CEACAM19: variants seen among roughly 807,000 people sequenced by gnomAD.
CEACAM19 encodes CEA cell adhesion molecule 19.
A neutral mutation model predicts 37.6 loss-of-function variants in CEACAM19; 37 were observed. The ratio of observed to expected loss-of-function variants is 0.98; its 90% CI spans 0.76 to 1.29. CEACAM19 has a LOEUF of 1.29. Ranked by LOEUF, CEACAM19 falls within the 50% of genes most tolerant of loss-of-function variation. The pLI is 0.00. For missense variants in CEACAM19, 340 were observed against 375.6 expected, an observed-to-expected ratio of 0.91 and a Z score of 0.78; for synonymous variants, 140 against 149.8, an observed-to-expected ratio of 0.93 and a Z score of 0.48.
upstream of CEACAM19, among the ~76,000 whole-genome samples, chr19:44,669,354 G>T (rs1973819817): frequency 6.6e-6 from 1 of 152,010 alleles, no homozygotes; most frequent in Admixed American, 6.6e-5. Context: ...CAATTCCTAG[G>T]CTCAAGCAAT....
chr19:44,681,800 C>T (rs952374813), intron 6 of CEACAM19, among the ~76,000 whole-genome samples: 1 of 151,794 alleles, frequency 6.6e-6, no homozygotes, highest in African/African-American at 2.4e-5. Context: ...TGTGATGGCA[C>T]ATGCCTGTAA....
chr19:44,670,740 A>G (rs1015343016), upstream of CEACAM19, among the ~76,000 whole-genome samples: 15 of 149,406 alleles, frequency 1.0e-4, no homozygotes, highest in African/African-American at 3.7e-4. Flanking sequence ...TAAGACAACC[A>G]ATGTTCATGA....
upstream of CEACAM19, among the ~76,000 whole-genome samples, chr19:44,670,783 A>AAG (rs1973841476): frequency 3.3e-5 from 3 of 91,386 alleles, no homozygotes; most frequent in Non-Finnish European, 5.4e-5. Flanking sequence ...TGTCTCAAGA[A>AAG]AAAAAAAAAA....
At chr19:44,667,842 AT>A (rs1973758116), upstream of CEACAM19, among the ~76,000 whole-genome samples, 1 of 69,368 alleles carries the variant, frequency 1.4e-5, no homozygotes, top group African/African-American at 6.8e-5. Context: ...TTTATATATA[AT>A]ATATACAATA....
chr19:44,682,572 G>C lies in CEACAM19; in HGVS notation c.798G>C (p.Leu266=). The C allele has an allele frequency of 3.1e-6, 5 of 1,601,952 alleles. No homozygotes were observed. The highest frequency in any genetic ancestry group is 4.3e-6 in the Non-Finnish European group (5 of 1,174,510). Residue 266 remains leucine, a synonymous_variant, in exon 7 of 8, where the codon CTG becomes CTC. Coordinates refer to ENST00000358777, the MANE Select transcript of CEACAM19 (RefSeq NM_001127893.3). ...CCCGTGTCCTTCCCTTGCAGCCCCT[G>C]CCCACACCCCCACACCTGCAGGCGG... ...DTRSINPARP[L]PTPPHLQAEP...
At chr19:44,677,028 C>T (rs368757174) in intron 3 of CEACAM19, among the ~76,000 whole-genome samples, 7 of 152,142 alleles carry the variant, frequency 4.6e-5, no homozygotes, top group African/African-American at 1.7e-4. Flanking sequence ...TATTTTTCTT[C>T]GGTGGCTTCA....
chr19:44,672,784 C>T lies in CEACAM19; in HGVS notation c.244C>T (p.Pro82Ser), dbSNP rs751047521. The change falls in exon 2 of 8, where the codon CCT becomes TCT. Residue 82 changes from proline (P) to serine (S), a missense_variant. Pro to Ser is a moderately conservative substitution (Grantham distance 74). Transcript: ENST00000358777. Reference sequence around the variant, plus strand: ...AGGCACGAGGCTATTTACCTACATCCCTGGGATACAACGGCCTCAGAGGGA... The same window carrying T: ...AGGCACGAGGCTATTTACCTACATCTCTGGGATACAACGGCCTCAGAGGGA... ...YGGTRLFTYI[P>S]GIQRPQRDGS... is the part of the protein sequence containing the mutation. The T allele has an allele frequency of 7.6e-6, 12 of 1,584,144 alleles. No individual in the cohort carries two copies. Among genetic ancestry groups the T allele is most frequent in the Admixed American group, 3.6e-5 (2 of 55,406 alleles).
upstream of CEACAM19, among the ~76,000 whole-genome samples, chr19:44,671,030 C>A (rs554610642): frequency 6.6e-6 from 1 of 151,594 alleles, no homozygotes; most frequent in Admixed American, 6.6e-5. Flanking sequence ...GCAGAGGTTG[C>A]GGTGAACTGA....
intron 3 of CEACAM19, among the ~76,000 whole-genome samples, chr19:44,677,192 A>G (rs1049368352): frequency 6.6e-6 from 1 of 152,146 alleles, no homozygotes; most frequent in Non-Finnish European, 1.5e-5. Context: ...CTTAACTCAG[A>G]TCACATGACT....
At chr19:44,671,122 G>C (rs1015187848), upstream of CEACAM19, among the ~76,000 whole-genome samples, 2 of 140,082 alleles carry the variant, frequency 1.4e-5, no homozygotes, top group Non-Finnish European at 3.0e-5. Context: ...ACGAGGCTAA[G>C]AGCTTTTTTT....
chr19:44,682,768 C>G (rs1974085781), intron 7 of CEACAM19, 148 bp downstream of exon 7: 1 of 683,424 alleles, frequency 1.5e-6, no homozygotes, highest in African/African-American at 1.9e-5. Context: ...CTCGAAGAAG[C>G]CCAAACCGCC....
chr19:44,672,010 G>C, intron 1 of CEACAM19, 24 bp downstream of exon 1: 1 of 1,586,036 alleles, frequency 6.3e-7, no homozygotes, highest in Non-Finnish European at 8.6e-7. Context: ...AGACCCTAAA[G>C]GCCAAGGGGA....
chr19:44,676,453 T>G (rs772740247), intron 3 of CEACAM19, 32 bp downstream of exon 3: 14 of 1,608,122 alleles, frequency 8.7e-6, no homozygotes, highest in Non-Finnish European at 1.2e-5. Flanking sequence ...CTCTCCTGTC[T>G]GCTCCCACTG....
chr19:44,673,252 C>A (rs1973889834), intron 2 of CEACAM19, among the ~76,000 whole-genome samples: 1 of 152,200 alleles, frequency 6.6e-6, no homozygotes, highest in Non-Finnish European at 1.5e-5. Context: ...CGAGCACTTA[C>A]TGTATGCCTG....
intron 5 of CEACAM19, 22 bp downstream of exon 5, chr19:44,680,356 T>C: frequency 6.2e-7 from 1 of 1,604,344 alleles, no homozygotes; most frequent in Non-Finnish European, 8.5e-7. Context: ...GCCCCAGATC[T>C]CACTACCTAG....
At chr19:44,677,947 A>AT (rs1459210455) in intron 3 of CEACAM19, 9 of 152,218 alleles carry the variant, frequency 5.9e-5, no homozygotes, top group African/African-American at 2.2e-4. Context: ...AAGTGCTGGA[A>AT]TTACAGGCAT....
At chr19:44,672,433 A>C in intron 1 of CEACAM19, 163 bp from the exon 2 acceptor site, 1 of 744,006 alleles carries the variant, frequency 1.3e-6, no homozygotes, top group Non-Finnish European at 2.0e-6. Flanking sequence ...CTGTGTTCCC[A>C]CTCCTGCACC....
chr19:44,676,361 T>G lies in CEACAM19; in HGVS notation c.515T>G (p.Leu172Arg), dbSNP rs1397070021. The G allele has an allele frequency of 6.2e-7, 1 of 1,614,102 alleles. No homozygotes were observed. The highest frequency in any genetic ancestry group is 8.5e-7 in the Non-Finnish European group (1 of 1,180,016). Residue 172 changes from leucine (L) to arginine (R), a missense_variant, in exon 3 of 8, where the codon CTT becomes CGT. Coordinates refer to ENST00000358777, the MANE Select transcript of CEACAM19 (RefSeq NM_001127893.3). ...ATTGGATCTCTTGCTGCCGGGGCCCTTCTCATCAGCTGCATTGCCTATCTC... is the reference window on the plus strand; with the variant it reads ...ATTGGATCTCTTGCTGCCGGGGCCCGTCTCATCAGCTGCATTGCCTATCTC... ...TIIGSLAAGA[L>R]LISCIAYLLV...
chr19:44,673,759 T>C (rs987629993), intron 2 of CEACAM19: 8 of 152,138 alleles, frequency 5.3e-5, no homozygotes, highest in African/African-American at 1.9e-4. Context: ...GAGTAAAGAA[T>C]ACGAACCAGA....
Sources: allele counts gnomAD v4.1 joint callset (sites outside exome capture counted in the v4.1 genomes callset), GRCh38; gene constraint gnomAD v4.1.1; transcripts MANE v1.5; gene names NCBI Gene and HGNC (gene_info 2026-07-23, HGNC 2026-07-21).